Variants in PLB1 observed in about 807,000 individuals in gnomAD.
PLB1 encodes the protein phospholipase B1, membrane-associated.
A neutral mutation model predicts 227.4 loss-of-function variants in PLB1; 242 were observed. The observed-to-expected ratio is 1.06, with a 90% CI of 0.96 to 1.18. The LOEUF (loss-of-function observed/expected upper bound fraction) is 1.18. PLB1 is among the 50% of genes most tolerant of loss of function. PLB1 has a pLI of 0.00. For synonymous variants in PLB1, 757 were observed against 682.2 expected (o/e 1.11, Z -1.71); for missense variants, 1,858 against 1,816.3 (o/e 1.02, Z -0.42).
chr2:28,577,999 G>A, intron 21 of PLB1, 108 bp from the exon 22 acceptor site: 1 of 1,062,028 alleles, frequency 9.4e-7, no homozygotes, highest in Non-Finnish European at 1.4e-6. Context: ...TCCTGCAGGA[G>A]GCCCACCCTG....
At chr2:28,553,700 G>T (rs148098299) in intron 17 of PLB1, among the ~76,000 whole-genome samples, 30 of 152,200 alleles carry the variant, frequency 2.0e-4, no homozygotes, top group African/African-American at 4.6e-4. Flanking sequence ...GGTCCTAAAG[G>T]GGGGGGACTC....
intron 51 of PLB1, among the ~76,000 whole-genome samples, chr2:28,627,119 G>A (rs1309968684): frequency 1.3e-5 from 2 of 152,188 alleles, no homozygotes; most frequent in African/African-American, 4.8e-5. Flanking sequence ...GTGGTCGAAT[G>A]TTTGACAGTC....
chr2:28,629,105 T>C lies in PLB1; in HGVS notation c.3738T>C (p.Ala1246=). 3.1e-6 allele frequency: 5 copies of C among 1,613,688 alleles called. No homozygotes were observed. The highest frequency in any genetic ancestry group is 4.2e-6 in the Non-Finnish European group (5 of 1,179,814). ...LDILSEELPR[A]FVNVVEVMEL... is the part of the protein sequence containing the mutation. ...TCCACTCCCTGCAGCTCCCAAGGGC[T>C]TTCGTCAACGTGGTGGAGGTCATGG... The change falls in exon 53 of 58, where the codon GCT becomes GCC. Residue 1246 remains alanine, a synonymous_variant. Transcript: ENST00000327757.
At position 28,643,407 on chromosome 2, in the gene PLB1, G is replaced by A. The variant is rs1454589467; in HGVS notation, c.*346G>A. The A allele has an allele frequency of 4.7e-6, 1 of 212,824 alleles. No individual in the cohort carries two copies. Among genetic ancestry groups the A allele is most frequent in the Non-Finnish European group, 9.3e-6 (1 of 107,568 alleles). 13.2% of individuals were successfully genotyped at this position (212,824 alleles called of 1,614,324 possible). On this transcript the variant is annotated 3_prime_UTR_variant, in exon 58 of 58. Coordinates refer to ENST00000327757, the MANE Select transcript of PLB1 (RefSeq NM_153021.5). ...CAGAGCCCAAACTGCCTGCCACCAC[G>A]AGCATATCCTCAAGTCACCAAACCC...
At chr2:28,608,951 G>A (rs531322950) in intron 43 of PLB1, among the ~76,000 whole-genome samples, 9 of 151,700 alleles carry the variant, frequency 5.9e-5, no homozygotes, top group African/African-American at 2.2e-4. Context: ...GTCTTGCTCC[G>A]TCTCCCAGGC....
chr2:28,574,112 A>G (rs1678480479), intron 21 of PLB1, among the ~76,000 whole-genome samples: 1 of 152,250 alleles, frequency 6.6e-6, no homozygotes, highest in African/African-American at 2.4e-5. Context: ...CTGCCTGGGC[A>G]GAGAGCAAGT....
chr2:28,535,245 C>A (rs1218069803), intron 9 of PLB1, among the ~76,000 whole-genome samples: 2 of 152,240 alleles, frequency 1.3e-5, no homozygotes, highest in Admixed American at 6.5e-5. Flanking sequence ...ATAAATTTAG[C>A]TAATTACAGC....
intron 25 of PLB1, among the ~76,000 whole-genome samples, chr2:28,582,991 A>G (rs776690916): frequency 1.3e-5 from 2 of 152,108 alleles, no homozygotes; most frequent in African/African-American, 4.8e-5. Flanking sequence ...CCAGAGAAGG[A>G]GGTCAAACCA....
At chr2:28,535,654 C>T (rs1019939007) in intron 9 of PLB1, among the ~76,000 whole-genome samples, 1 of 152,190 alleles carries the variant, frequency 6.6e-6, no homozygotes, top group Non-Finnish European at 1.5e-5. Context: ...GGCATGGTGG[C>T]TCATGCTTGT....
chr2:28,571,888 C>A, intron 20 of PLB1, among the ~76,000 whole-genome samples: 1 of 152,024 alleles, frequency 6.6e-6, no homozygotes, highest in Non-Finnish European at 1.5e-5. Flanking sequence ...ACAAAGTCTT[C>A]TTAGATATGC....
chr2:28,598,831 T>A, intron 35 of PLB1, 71 bp downstream of exon 35: 1 of 1,346,636 alleles, frequency 7.4e-7, no homozygotes, highest in African/African-American at 1.4e-5. Flanking sequence ...TTTAAGACCA[T>A]GGGGCTGGCC....
intron 15 of PLB1, among the ~76,000 whole-genome samples, 166 bp downstream of exon 15, chr2:28,549,097 G>A (rs1316175349): frequency 6.6e-6 from 1 of 152,168 alleles, no homozygotes. Context: ...AATGTTTACA[G>A]TTGTGGGCCA....
rs1347640054 is a variant in PLB1, at chr2:28,629,156, A to C, written c.3789A>C (p.Gln1263His). 6.2e-7 allele frequency: 1 copy of C among 1,613,882 alleles called. No individual in the cohort carries two copies. Among genetic ancestry groups the C allele is most frequent in the South Asian group, 1.1e-5 (1 of 91,034 alleles). The change falls in exon 53 of 58, where the codon CAA becomes CAC. Residue 1263 changes from glutamine (Q) to histidine (H), a missense_variant. Coordinates refer to ENST00000327757, the MANE Select transcript of PLB1 (RefSeq NM_153021.5). ...VMELASLYQG[Q>H]GGKCAMLAAQ... ...AGCTGGCTAGCCTGTACCAGGGCCA[A>C]GGCGGGAAATGTGCCATGCTGGCAG... is the stretch of plus-strand genomic sequence containing the variant.
chr2:28,529,312 T>C lies in PLB1; in HGVS notation c.326-5T>C, dbSNP rs1301505503. On this transcript the variant is annotated splice_polypyrimidine_tract_variant and splice_region_variant and intron_variant, in intron 6 of 57. Transcript: ENST00000327757. Reference sequence around the variant, plus strand: ...GCCAGGGCCTCAAACCAGTTCTCTCTTTAGTCCTTTCAGACATCATCAGAT... The same window carrying C: ...GCCAGGGCCTCAAACCAGTTCTCTCCTTAGTCCTTTCAGACATCATCAGAT... The C allele has an allele frequency of 1.2e-6, 2 of 1,601,416 alleles. No homozygotes were observed. The highest frequency in any genetic ancestry group is 2.7e-5 in the African/African-American group (2 of 74,658).
intron 1 of PLB1, among the ~76,000 whole-genome samples, chr2:28,507,027 C>T (rs1667709502): frequency 6.6e-6 from 1 of 152,220 alleles, no homozygotes; most frequent in African/African-American, 2.4e-5. Context: ...CTGATCAACA[C>T]ACCTGCCACC....
At chr2:28,636,391 C>T (rs1306420993) in intron 56 of PLB1, among the ~76,000 whole-genome samples, 2 of 152,126 alleles carry the variant, frequency 1.3e-5, no homozygotes, top group Non-Finnish European at 2.9e-5. Flanking sequence ...ACAATTAGTG[C>T]CTACAGCCAC....
In PLB1 at chr2:28,591,805, G is replaced by A. The variant is rs767421907; in HGVS notation, c.2188+45G>A. On this transcript the variant is annotated intron_variant, in intron 31 of 57. Coordinates refer to ENST00000327757, the MANE Select transcript of PLB1 (RefSeq NM_153021.5). ...GCAGGACCCAGGGCCCCTCCACAGGGGCTGCTATGCTGGTGAGTCCTCTGA... is the reference window on the plus strand; with the variant it reads ...GCAGGACCCAGGGCCCCTCCACAGGAGCTGCTATGCTGGTGAGTCCTCTGA... The A allele has an allele frequency of 1.6e-5, 26 of 1,586,404 alleles. No homozygotes were observed. The Middle Eastern group carries it at 8.3e-4, about 51-fold the overall frequency.
intron 13 of PLB1, among the ~76,000 whole-genome samples, chr2:28,542,404 C>G (rs549055996): frequency 6.6e-6 from 1 of 152,028 alleles, no homozygotes; most frequent in Non-Finnish European, 1.5e-5. Context: ...CTGGGGTGAC[C>G]AGCTGTGTGA....
intron 17 of PLB1, among the ~76,000 whole-genome samples, chr2:28,558,875 G>A (rs534931314): frequency 1.6e-4 from 24 of 152,282 alleles, no homozygotes; most frequent in African/African-American, 5.1e-4. Context: ...CATACACACA[G>A]GAGAAACAAC....
Sources: allele counts gnomAD v4.1 joint callset (sites outside exome capture counted in the v4.1 genomes callset), GRCh38; gene constraint gnomAD v4.1.1; transcripts MANE v1.5; gene names NCBI Gene and HGNC (gene_info 2026-07-23, HGNC 2026-07-21).